Variants in PHLPP1 observed in about 807,000 individuals in gnomAD.
The protein encoded by PHLPP1 is PH domain and leucine rich repeat protein phosphatase 1, also known as PH domain leucine-rich repeat-containing protein phosphatase 1.
In PHLPP1, 42 loss-of-function variants were observed where a neutral mutation model predicts 117.2. The observed-to-expected ratio is 0.36, with a 90% CI of 0.28 to 0.46. PHLPP1 has a LOEUF of 0.46. PHLPP1 is among the 20% of genes least tolerant of loss of function. The pLI, the probability that PHLPP1 is intolerant of heterozygous loss-of-function variation, is 1.00. For synonymous variants in PHLPP1, 1,042 were observed against 970.7 expected, an observed-to-expected ratio of 1.07 and a Z score of -1.37; for missense variants, 2,084 against 2,241.9, an observed-to-expected ratio of 0.93 and a Z score of 1.42.
chr18:62,974,451 A>G (rs1415459772), intron 15 of PHLPP1, among the ~76,000 whole-genome samples: 2 of 152,212 alleles, frequency 1.3e-5, no homozygotes, highest in East Asian at 3.8e-4. Flanking sequence ...TGATAGGAGC[A>G]GACAGTACCT....
At chr18:62,970,540 G>A (rs964577808) in intron 14 of PHLPP1, among the ~76,000 whole-genome samples, 2 of 152,148 alleles carry the variant, frequency 1.3e-5, no homozygotes, top group East Asian at 1.9e-4. Flanking sequence ...CGAGGCGGGC[G>A]GATCGCTCGA....
At chr18:62,794,819 T>C (rs1215543875) in intron 1 of PHLPP1, among the ~76,000 whole-genome samples, 2 of 152,228 alleles carry the variant, frequency 1.3e-5, no homozygotes, top group Non-Finnish European at 2.9e-5. Context: ...ATGTAAATGC[T>C]CCAAGTGGAC....
intron 12 of PHLPP1, among the ~76,000 whole-genome samples, chr18:62,954,379 A>G (rs1910554403): frequency 6.6e-6 from 1 of 152,250 alleles, no homozygotes; most frequent in African/African-American, 2.4e-5. Flanking sequence ...CCATAGAGGT[A>G]CATATATTAA....
At chr18:62,951,648 C>T (rs1367373817) in intron 12 of PHLPP1, among the ~76,000 whole-genome samples, 1 of 151,952 alleles carries the variant, frequency 6.6e-6, no homozygotes, top group Non-Finnish European at 1.5e-5. Flanking sequence ...AAAAATCATG[C>T]TCATTTTATG....
intron 1 of PHLPP1, among the ~76,000 whole-genome samples, chr18:62,750,449 T>C (rs1004964438): frequency 6.6e-6 from 1 of 152,262 alleles, no homozygotes; most frequent in South Asian, 2.1e-4. Flanking sequence ...TGCTCTGTGA[T>C]TACTAATATA....
chr18:62,783,232 T>G (rs1361970572), intron 1 of PHLPP1, among the ~76,000 whole-genome samples: 1 of 147,670 alleles, frequency 6.8e-6, no homozygotes, highest in East Asian at 1.9e-4. Flanking sequence ...TTTTTTTCTT[T>G]TTTTTTTTTT....
rs574521033 is a variant in PHLPP1, at chr18:62,978,024, G to A, written c.3985-238G>A. On this transcript the variant is annotated intron_variant, in intron 16 of 16. Transcript: ENST00000262719. This position sits in a 1 kb window ranked among gnomAD's most constrained non-coding sequence, Gnocchi z 7.0. ...TGGGGTCCCAGTAACACACATAACC[G>A]AAATCTTTTCCTTTTGTCCCTACTG... Among the ~76,000 whole-genome samples the A allele has an allele frequency of 6.6e-6, 1 of 152,232 alleles. No individual in the cohort carries two copies. Among genetic ancestry groups the A allele is most frequent in the South Asian group, 2.1e-4 (1 of 4,822 alleles).
chr18:62,792,708 A>G (rs1913497603), intron 1 of PHLPP1, among the ~76,000 whole-genome samples: 1 of 151,714 alleles, frequency 6.6e-6, no homozygotes, highest in African/African-American at 2.4e-5. Context: ...CCATCTTTAC[A>G]AAAAATTTAT....
chr18:62,772,825 T>C (rs1054574945), intron 1 of PHLPP1, among the ~76,000 whole-genome samples: 78 of 107,294 alleles, frequency 7.3e-4, no homozygotes, highest in Non-Finnish European at 1.2e-3. Flanking sequence ...AGCAAGACTC[T>C]TTCTCAAAAA....
chr18:62,876,843 CTT>C lies in PHLPP1; in HGVS notation c.2066+16243_2066+16244del, dbSNP rs1357724473. ...TTTCACCTGAAATAAGTAAAGATGA[CTT>C]GGGTCAAGAGGGGAGTGAATTCAAC... On this transcript the variant is annotated intron_variant, in intron 4 of 16. Transcript: ENST00000262719. Among the ~76,000 whole-genome samples, 13 of 152,244 alleles carry C rather than the reference CTT, an allele frequency of 8.5e-5. No individual in the cohort carries two copies. The East Asian group carries it at 2.5e-3, about 29-fold the overall frequency.
chr18:62,889,946 C>G (rs1916367268), intron 4 of PHLPP1, among the ~76,000 whole-genome samples: 1 of 151,982 alleles, frequency 6.6e-6, no homozygotes, highest in Admixed American at 6.6e-5. Flanking sequence ...AGGACTAGTC[C>G]CATTTCAGGT....
chr18:62,724,294 AG>A (rs2122050053), intron 1 of PHLPP1, among the ~76,000 whole-genome samples: 1 of 152,332 alleles, frequency 6.6e-6, no homozygotes, highest in African/African-American at 2.4e-5. Flanking sequence ...ACTGTATTAG[AG>A]GGATACAAAT....
At chr18:62,851,089 G>C (rs1915337352) in intron 3 of PHLPP1, among the ~76,000 whole-genome samples, 1 of 152,106 alleles carries the variant, frequency 6.6e-6, no homozygotes. Flanking sequence ...ATAGTTCCTG[G>C]TTCATAAAAG....
rs550474476 is a variant in PHLPP1, at chr18:62,822,266, T to G, written c.1577-7769T>G. Among the ~76,000 whole-genome samples the G allele has an allele frequency of 4.5e-4, 59 of 131,320 alleles. 1 individual carries two copies. The highest frequency in any genetic ancestry group is 7.6e-3 in the Middle Eastern group (2 of 264). 86.2% of individuals were successfully genotyped at this position (131,320 alleles called of 152,430 possible). A position where few individuals can be genotyped will look rare whatever the true frequency, so the allele number is the denominator to read the frequency against. On this transcript the variant is annotated intron_variant, in intron 1 of 16. Transcript: ENST00000262719. The stretch of plus-strand genomic sequence containing the variant: ...TATAGAGGATCTGTAGAAAATAGTG[T>G]TTTTTTTTTTTTTGTTTTTGTTTTT...
chr18:62,716,169 G>C lies in PHLPP1; in HGVS notation c.486G>C (p.Ser162=). The change falls in exon 1 of 17, where the codon TCG becomes TCC. Residue 162 remains serine (S), a synonymous_variant. Transcript: ENST00000262719. This position sits in a 1 kb window ranked among gnomAD's most constrained non-coding sequence, Gnocchi z 5.7. ...CTGCCGGCCTCCCCGCCTCCTGCTCGGCCTCGGCGTCGCTGTGCACCCGGA... is the reference window on the plus strand; with the variant it reads ...CTGCCGGCCTCCCCGCCTCCTGCTCCGCCTCGGCGTCGCTGTGCACCCGGA... The part of the protein sequence containing the change: ...PGAAGLPASC[S]ASASLCTRSL... 3 of 1,518,472 alleles carry C rather than the reference G, an allele frequency of 2.0e-6. No individual in the cohort carries two copies. The highest frequency in any genetic ancestry group is 2.6e-6 in the Non-Finnish European group (3 of 1,139,158). 94.1% of individuals were successfully genotyped at this position (1,518,472 alleles called of 1,614,324 possible).
At chr18:62,925,312 G>A (rs1909594470) in intron 10 of PHLPP1, among the ~76,000 whole-genome samples, 1 of 152,156 alleles carries the variant, frequency 6.6e-6, no homozygotes, top group Admixed American at 6.5e-5. Flanking sequence ...AGCCGAAAAT[G>A]GACCCTTTAA....
chr18:62,776,529 C>T (rs966010868), intron 1 of PHLPP1, among the ~76,000 whole-genome samples: 40 of 152,020 alleles, frequency 2.6e-4, no homozygotes, highest in African/African-American at 9.7e-4. Flanking sequence ...CTTTTTGCAT[C>T]TGCTCACTTG....
At chr18:62,898,527 A>G (rs1030471656) in intron 6 of PHLPP1, among the ~76,000 whole-genome samples, 9 of 152,234 alleles carry the variant, frequency 5.9e-5, no homozygotes, top group African/African-American at 2.2e-4. Flanking sequence ...CTCTAGTTCA[A>G]GGTACTCAAG....
At position 62,953,873 on chromosome 18, in the gene PHLPP1, A is replaced by AGT. The variant is rs762436183; in HGVS notation, c.3325-4755_3325-4754dup. ...GGGGATAGTCTGCAGGAAGGAAGGA[A>AGT]GTAGGGTGTTACAGAATCTAGCAGC... On this transcript the variant is annotated intron_variant, in intron 12 of 16. Transcript: ENST00000262719. Among the ~76,000 whole-genome samples, 43 of 152,246 alleles carry AGT rather than the reference A, an allele frequency of 2.8e-4. No individual in the cohort carries two copies. The East Asian group carries it at 6.2e-3, about 22-fold the overall frequency.
Sources: gnomAD v4.1 joint callset for allele counts (sites outside exome capture counted in the v4.1 genomes callset) on GRCh38, gnomAD v4.1.1 for gene constraint, Gnocchi (gnomAD v3.1) non-coding constraint, MANE v1.5 for transcripts, NCBI Gene and HGNC (gene_info 2026-07-23, HGNC 2026-07-21) for gene names.